Variants in DNAJC13 observed in about 807,000 individuals in gnomAD.
DNAJC13 encodes dnaJ homolog subfamily C member 13.
Under a neutral mutation model 290.5 loss-of-function variants are expected in DNAJC13, and 75 were observed. That is an observed-to-expected ratio of 0.26 (90% CI 0.21 to 0.31). DNAJC13 has a LOEUF of 0.31. Among genes scored for constraint, DNAJC13 ranks in the 10% least tolerant of loss-of-function variants. The pLI is 1.00. For missense variants in DNAJC13, 2,260 were observed against 2,674.5 expected (o/e 0.85, Z 3.42); for synonymous variants, 862 against 892.0 (o/e 0.97, Z 0.60).
intron 1 of DNAJC13, among the ~76,000 whole-genome samples, chr3:132,424,540 A>G (rs1939042468): frequency 6.6e-6 from 1 of 152,254 alleles, no homozygotes; most frequent in East Asian, 1.9e-4. Context: ...GAAAGGAATC[A>G]AGTTTTTAAA....
intron 39 of DNAJC13, among the ~76,000 whole-genome samples, chr3:132,501,345 CA>C (rs1935404952): frequency 6.6e-6 from 1 of 152,036 alleles, no homozygotes; most frequent in Non-Finnish European, 1.5e-5. Context: ...CAAAAAAATA[CA>C]AAAATTAGCT....
At chr3:132,516,994 A>G (rs1329080720) in intron 48 of DNAJC13, among the ~76,000 whole-genome samples, 178 bp downstream of exon 48, 1 of 152,244 alleles carries the variant, frequency 6.6e-6, no homozygotes, top group East Asian at 1.9e-4. Context: ...TGAGAAAACT[A>G]GAGTCAGGGC....
intron 1 of DNAJC13, among the ~76,000 whole-genome samples, chr3:132,419,065 A>G (rs1462194194): frequency 6.6e-6 from 1 of 152,208 alleles, no homozygotes; most frequent in Non-Finnish European, 1.5e-5. Context: ...TTAAGCTACT[A>G]TATCTCAGAC....
intron 54 of DNAJC13, among the ~76,000 whole-genome samples, chr3:132,530,136 G>A (rs73217978): frequency 0.037 from 5,654 of 152,172 alleles, 169 homozygotes; most frequent in African/African-American, 0.08. Flanking sequence ...CTTCTTTCCC[G>A]GGTTGGAGCA....
At chr3:132,455,658 G>T (rs1043844648) in intron 9 of DNAJC13, among the ~76,000 whole-genome samples, 4 of 152,166 alleles carry the variant, frequency 2.6e-5, no homozygotes, top group African/African-American at 7.2e-5. Flanking sequence ...AATAAAAAAG[G>T]ACTGACCTAA....
rs748643839 is a variant in DNAJC13 at position 132,456,534 on chromosome 3, A to G, written c.1133A>G (p.Asn378Ser). ...GNFADAVFRF[N>S]ANISYSGVLH... ...TTTGCAGATGCTGTATTCAGGTTCA[A>G]TGCTAATATTTCATACAGTGGAGTC... Residue 378 changes from asparagine to serine, a missense_variant, in exon 11 of 56, where the codon AAT (asparagine) becomes AGT (serine). By Grantham distance (46) the Asn-to-Ser change is conservative (BLOSUM62 1). Around this residue, in one of 3 missense-constraint regions of DNAJC13, gnomAD observed 762 missense variants for 964.1 expected, o/e 0.79. Coordinates refer to ENST00000260818, the MANE Select transcript of DNAJC13 (RefSeq NM_015268.4). The G allele has an allele frequency of 1.1e-5, 18 of 1,614,034 alleles. No individual in the cohort carries two copies. The highest frequency in any genetic ancestry group is 1.7e-4 in the Middle Eastern group (1 of 6,058).
At chr3:132,524,500 G>T (rs1445319235) in intron 51 of DNAJC13, among the ~76,000 whole-genome samples, 1 of 152,244 alleles carries the variant, frequency 6.6e-6, no homozygotes, top group African/African-American at 2.4e-5. Context: ...CTCTGAGGCA[G>T]AGGTTCTGAT....
At position 132,461,084 on chromosome 3, in the gene DNAJC13, T is replaced by C. The variant is rs1933781616; in HGVS notation, c.1592T>C (p.Leu531Pro). ...ACTGGTGCCCTAGTTATTAGTTCGC[T>C]CTTGGACTTCCTTACCTTTGCCCTC... ...HGTGALVISSLLDFLTFALCA... is the reference protein window; with the variant it reads ...HGTGALVISSPLDFLTFALCA... The change falls in exon 15 of 56, where the codon CTC (leucine) becomes CCC (proline). Residue 531 changes from leucine (L) to proline (P), a missense_variant. By Grantham distance (98) the Leu-to-Pro change is moderately conservative (BLOSUM62 -3). Coordinates refer to ENST00000260818, the MANE Select transcript of DNAJC13 (RefSeq NM_015268.4). 1 of 1,613,994 alleles carries C rather than the reference T, an allele frequency of 6.2e-7. No homozygotes were observed.
intron 2 of DNAJC13, among the ~76,000 whole-genome samples, chr3:132,440,349 G>A (rs777570822): frequency 3.9e-5 from 6 of 152,212 alleles, no homozygotes; most frequent in African/African-American, 7.2e-5. Flanking sequence ...CCCACTCTCC[G>A]TTAGTCAACT....
rs569945297 is a variant in DNAJC13, at chr3:132,420,791, T to G, written c.-14+3031T>G. Among the ~76,000 whole-genome samples the G allele has an allele frequency of 5.3e-5, 8 of 152,108 alleles. No individual in the cohort carries two copies. The South Asian group carries it at 1.7e-3, about 32-fold the overall frequency. Reference sequence around the variant, plus strand: ...AACTAAGTCCAACTCCTAACCAGATTAACACAAACCCTTCACCAAAGGCCT... The same window carrying G: ...AACTAAGTCCAACTCCTAACCAGATGAACACAAACCCTTCACCAAAGGCCT... On this transcript the variant is annotated intron_variant, in intron 1 of 55. Transcript: ENST00000260818.
chr3:132,536,384 A>T (rs1936592136), intron 55 of DNAJC13, among the ~76,000 whole-genome samples: 1 of 152,136 alleles, frequency 6.6e-6, no homozygotes, highest in Admixed American at 6.5e-5. Flanking sequence ...TGAGACCCCC[A>T]TCTGTTAAAT....
intron 36 of DNAJC13, among the ~76,000 whole-genome samples, chr3:132,498,339 T>C (rs1935298829): frequency 6.6e-6 from 1 of 152,062 alleles, no homozygotes; most frequent in African/African-American, 2.4e-5. Flanking sequence ...GAAAACTTAA[T>C]ATAAAATATT....
intron 9 of DNAJC13, 98 bp downstream of exon 9, chr3:132,454,255 A>G: frequency 1.2e-6 from 1 of 836,498 alleles, no homozygotes. Context: ...GAAATTTAAA[A>G]TCATTTAATT....
At chr3:132,469,790 T>A (rs1934123189) in intron 20 of DNAJC13, among the ~76,000 whole-genome samples, 1 of 151,672 alleles carries the variant, frequency 6.6e-6, no homozygotes, top group Non-Finnish European at 1.5e-5. Flanking sequence ...TTAAAATTTA[T>A]TTTACCTTTT....
At chr3:132,440,007 G>A (rs954276200) in intron 2 of DNAJC13, among the ~76,000 whole-genome samples, 2 of 152,272 alleles carry the variant, frequency 1.3e-5, no homozygotes, top group African/African-American at 4.8e-5. Context: ...ACTATAATCC[G>A]AGCACTTTGG....
At chr3:132,502,572 G>A in intron 40 of DNAJC13, 104 bp downstream of exon 40, 1 of 1,085,692 alleles carries the variant, frequency 9.2e-7, no homozygotes, top group Non-Finnish European at 1.2e-6. Flanking sequence ...GAGATAAATT[G>A]TTTTTCAGGA....
intron 39 of DNAJC13, 124 bp from the exon 40 acceptor site, chr3:132,502,165 G>A: frequency 1.3e-6 from 1 of 743,014 alleles, no homozygotes; most frequent in South Asian, 2.7e-5. Flanking sequence ...AATGTAAGAA[G>A]AGGTAAACAT....
At chr3:132,480,991 T>A (rs1196166870) in intron 26 of DNAJC13, among the ~76,000 whole-genome samples, 5 of 152,246 alleles carry the variant, frequency 3.3e-5, no homozygotes, top group African/African-American at 1.2e-4. Context: ...GTATATGATG[T>A]ATTCTGTTAT....
In DNAJC13 at chr3:132,499,794, G is replaced by A; in HGVS notation, c.4402G>A (p.Asp1468Asn). The change falls in exon 38 of 56, where the codon GAC becomes AAC. Residue 1468 changes from aspartate to asparagine, a missense_variant. Transcript: ENST00000260818. ...AVLTRASKPS[D>N]MSVQVCGYIS... ...CTTGACTCGTGCTAGTAAACCAAGT[G>A]ACATGTCAGTACAGGTGAGGCTAAA... 1 of 1,614,026 alleles carries A rather than the reference G, an allele frequency of 6.2e-7. No individual in the cohort carries two copies. The highest frequency in any genetic ancestry group is 8.5e-7 in the Non-Finnish European group (1 of 1,179,952).
Sources: gnomAD v4.1 joint callset for allele counts (sites outside exome capture counted in the v4.1 genomes callset) on GRCh38, gnomAD v4.1.1 for gene constraint, gnomAD v4.1.1 regional missense constraint, MANE v1.5 for transcripts, NCBI Gene and HGNC (gene_info 2026-07-23, HGNC 2026-07-21) for gene names.